Variants in ZNF131 observed in about 807,000 individuals in gnomAD.
ZNF131 encodes the protein zinc finger and BTB domain containing 35, also known as zinc finger protein 131.
A neutral mutation model predicts 60.0 loss-of-function variants in ZNF131; 7 were observed. That is an observed-to-expected ratio of 0.12 (90% CI 0.07 to 0.22). ZNF131 has a LOEUF of 0.22. ZNF131 is among the 10% of genes least tolerant of loss of function. The pLI, the probability that ZNF131 is intolerant of heterozygous loss-of-function variation, is 1.00. For missense variants in ZNF131, 493 were observed against 740.9 expected, an observed-to-expected ratio of 0.67 and a Z score of 3.88; for synonymous variants, 257 against 253.2, an observed-to-expected ratio of 1.01 and a Z score of -0.14.
At chr5:43,137,114 AAG>A (rs1398296048) in intron 3 of ZNF131, among the ~76,000 whole-genome samples, 1 of 152,204 alleles carries the variant, frequency 6.6e-6, no homozygotes, top group Non-Finnish European at 1.5e-5. Context: ...AATCTCCTGG[AAG>A]AAAACATGAG....
intron 5 of ZNF131, 38 bp downstream of exon 5, chr5:43,161,969 A>T (rs768791525): frequency 6.6e-7 from 1 of 1,519,744 alleles, no homozygotes; most frequent in Non-Finnish European, 8.8e-7. Flanking sequence ...TTTTTTTCCC[A>T]CATGCACTTC....
chr5:43,136,868 A>G (rs1746184413), intron 3 of ZNF131, among the ~76,000 whole-genome samples: 1 of 152,074 alleles, frequency 6.6e-6, no homozygotes, highest in African/African-American at 2.4e-5. Context: ...AGAGACATAC[A>G]GACCAAAGGA....
At position 43,161,965 on chromosome 5, in the gene ZNF131, T is replaced by C. The variant is rs780020511; in HGVS notation, c.1054+34T>C. The C allele has an allele frequency of 8.5e-6, 13 of 1,526,162 alleles. No individual in the cohort carries two copies. In the African/African-American group the frequency reaches 1.1e-4, roughly 13 times the overall value. 94.5% of individuals were successfully genotyped at this position (1,526,162 alleles called of 1,614,324 possible). On this transcript the variant is annotated intron_variant, in intron 5 of 6. Coordinates refer to ENST00000682664, the MANE Select transcript of ZNF131 (RefSeq NM_001330707.2). ...CAAATACTTTGTTAAAATTTTTTTT[T>C]CCCACATGCACTTCAAATTTAAGTA...
chr5:43,151,417 T>TA (rs1338672954), intron 4 of ZNF131, among the ~76,000 whole-genome samples: 1 of 152,144 alleles, frequency 6.6e-6, no homozygotes, highest in Non-Finnish European at 1.5e-5. Context: ...CTCTTAGGTG[T>TA]AAGTCGTCAT....
At chr5:43,159,035 A>G (rs957194237) in intron 4 of ZNF131, among the ~76,000 whole-genome samples, 2 of 152,164 alleles carry the variant, frequency 1.3e-5, no homozygotes, top group East Asian at 3.8e-4. Context: ...TATAAATTTC[A>G]TTTTTATACC....
At chr5:43,126,712 C>G (rs1160577670) in intron 3 of ZNF131, among the ~76,000 whole-genome samples, 1 of 152,198 alleles carries the variant, frequency 6.6e-6, no homozygotes, top group African/African-American at 2.4e-5. Context: ...CTCTTCCGAT[C>G]ATCGTCTTTT....
At chr5:43,145,936 C>T (rs947459433) in intron 4 of ZNF131, among the ~76,000 whole-genome samples, 3 of 152,048 alleles carry the variant, frequency 2.0e-5, no homozygotes, top group African/African-American at 4.8e-5. Context: ...GATCCTTAAG[C>T]GGAAAGTTAT....
chr5:43,146,828 C>A (rs900942638), intron 4 of ZNF131, among the ~76,000 whole-genome samples: 2 of 152,044 alleles, frequency 1.3e-5, no homozygotes, highest in Non-Finnish European at 2.9e-5. Context: ...ATTGCTTGAA[C>A]CCTGGTGGTA....
At chr5:43,162,543 G>C (rs71627583) in intron 5 of ZNF131, among the ~76,000 whole-genome samples, 1 of 145,284 alleles carries the variant, frequency 6.9e-6, no homozygotes, top group African/African-American at 2.5e-5. Context: ...AGTGAGCCGA[G>C]ATCATGCCAC....
intron 3 of ZNF131, among the ~76,000 whole-genome samples, chr5:43,130,560 AT>A (rs1300381617): frequency 2.6e-5 from 4 of 151,932 alleles, no homozygotes; most frequent in African/African-American, 9.7e-5. Context: ...ACATTTTTTA[AT>A]TTTAATTTTA....
At chr5:43,130,551 C>T (rs1168324452) in intron 3 of ZNF131, among the ~76,000 whole-genome samples, 3 of 152,080 alleles carry the variant, frequency 2.0e-5, no homozygotes, top group Non-Finnish European at 4.4e-5. Context: ...TCTTTTACCA[C>T]ATTTTTTAAT....
Position 43,173,468 on chromosome 5 carries a change from T to C in ZNF131, c.1185+20T>C. On this transcript the variant is annotated intron_variant, in intron 6 of 6. Coordinates refer to ENST00000682664, the MANE Select transcript of ZNF131 (RefSeq NM_001330707.2). ...TGCCAGGTATGTGCAGATACATACA[T>C]TCAGTTCTTAACAAAGGAGTCTTGT... 1 of 1,605,314 alleles carries C rather than the reference T, an allele frequency of 6.2e-7. No individual in the cohort carries two copies. The highest frequency in any genetic ancestry group is 8.5e-7 in the Non-Finnish European group (1 of 1,174,612).
intron 4 of ZNF131, among the ~76,000 whole-genome samples, chr5:43,144,976 C>T (rs1258277442): frequency 6.6e-6 from 1 of 151,818 alleles, no homozygotes; most frequent in Non-Finnish European, 1.5e-5. Flanking sequence ...TTCTATTATT[C>T]TGTATTTTTA....
rs771487587 is a variant in ZNF131 at position 43,173,349 on chromosome 5, T to C, written c.1086T>C (p.His362=). Residue 362 remains histidine (H), a synonymous_variant, in exon 6 of 7, where the codon CAT becomes CAC. Transcript: ENST00000682664. ...AACCTTTTGAATGTCCAAATTGTCATGAACGATTTGCTAGAAATAGCACTC... is the reference window on the plus strand; with the variant it reads ...AACCTTTTGAATGTCCAAATTGTCACGAACGATTTGCTAGAAATAGCACTC... ...GEKPFECPNC[H]ERFARNSTLK... is the part of the protein sequence containing the mutation. 1.2e-6 allele frequency: 2 copies of C among 1,611,804 alleles called. No individual in the cohort carries two copies. Among genetic ancestry groups the C allele is most frequent in the South Asian group, 2.2e-5 (2 of 90,876 alleles).
chr5:43,168,583 T>A (rs1297572459), intron 5 of ZNF131, among the ~76,000 whole-genome samples: 1 of 152,174 alleles, frequency 6.6e-6, no homozygotes, highest in African/African-American at 2.4e-5. Flanking sequence ...ATGTAGTTAT[T>A]TTCATAAATT....
chr5:43,143,052 G>A (rs1024825196), intron 4 of ZNF131, among the ~76,000 whole-genome samples: 5 of 145,938 alleles, frequency 3.4e-5, no homozygotes, highest in African/African-American at 1.3e-4. Context: ...TGAAGACAGA[G>A]TCTCACTGTT....
At chr5:43,157,521 C>CA (rs1394213361) in intron 4 of ZNF131, among the ~76,000 whole-genome samples, 1 of 152,142 alleles carries the variant, frequency 6.6e-6, no homozygotes, top group Non-Finnish European at 1.5e-5. Flanking sequence ...CTCTCTCCCA[C>CA]AGAAGAGTTT....
chr5:43,137,075 G>T (rs770142631), intron 3 of ZNF131, among the ~76,000 whole-genome samples: 5 of 152,080 alleles, frequency 3.3e-5, no homozygotes, highest in Non-Finnish European at 5.9e-5. Context: ...AAATGAATTG[G>T]AGACTTAGAC....
intron 3 of ZNF131, among the ~76,000 whole-genome samples, 168 bp from the exon 4 acceptor site, chr5:43,138,997 G>A (rs1184951090): frequency 6.6e-6 from 1 of 152,166 alleles, no homozygotes; most frequent in African/African-American, 2.4e-5. Flanking sequence ...AGGTAGTGCT[G>A]AAATTTGGCT....
Sources: gnomAD v4.1 joint callset for allele counts (sites outside exome capture counted in the v4.1 genomes callset) on GRCh38, gnomAD v4.1.1 for gene constraint, MANE v1.5 for transcripts, NCBI Gene and HGNC (gene_info 2026-07-23, HGNC 2026-07-21) for gene names.